Variants in PCDHA7 observed in about 807,000 individuals in gnomAD.
PCDHA7 encodes protocadherin alpha 7, also known as protocadherin alpha-7.
A neutral mutation model predicts 57.2 loss-of-function variants in PCDHA7; 37 were observed. That is an observed-to-expected ratio of 0.65 (90% CI 0.50 to 0.85). The LOEUF is 0.85. Among genes scored for constraint, PCDHA7 ranks in the 40% least tolerant of loss-of-function variants. PCDHA7 has a pLI of 0.00. For synonymous variants in PCDHA7, 553 were observed against 558.8 expected, an observed-to-expected ratio of 0.99 and a Z score of 0.15; for missense variants, 1,188 against 1,241.8, an observed-to-expected ratio of 0.96 and a Z score of 0.65.
chr5:140,968,682 C>T, intron 1 of PCDHA7: 1 of 1,614,128 alleles, frequency 6.2e-7, no homozygotes, highest in Non-Finnish European at 8.5e-7. Flanking sequence ...GAGCTGCACA[C>T]AGGAGAAATT....
intron 1 of PCDHA7, among the ~76,000 whole-genome samples, chr5:140,892,769 T>C (rs1182235195): frequency 6.6e-6 from 1 of 152,210 alleles, no homozygotes; most frequent in Non-Finnish European, 1.5e-5. Context: ...TCCACTCTTC[T>C]AGCTTCTTGA....
intron 1 of PCDHA7, among the ~76,000 whole-genome samples, chr5:140,906,707 CT>C (rs1554192656): frequency 6.6e-6 from 1 of 152,198 alleles, no homozygotes; most frequent in Non-Finnish European, 1.5e-5. Flanking sequence ...ATTTGTAGTC[CT>C]GCCTGGATTG....
chr5:140,913,531 A>T (rs1451484656), intron 1 of PCDHA7, among the ~76,000 whole-genome samples: 1 of 151,914 alleles, frequency 6.6e-6, no homozygotes, highest in Admixed American at 6.6e-5. Flanking sequence ...TTTTCAAAAG[A>T]TTGACTTTTT....
rs60032403 is a variant in PCDHA7 at position 140,941,214 on chromosome 5, C to CCTTT, written c.2356-37696_2356-37693dup. Among the ~76,000 whole-genome samples, 254 of 122,478 alleles carry CCTTT rather than the reference C, an allele frequency of 2.1e-3. 3 individuals carry two copies. The highest frequency in any genetic ancestry group is 3.1e-3 in the Non-Finnish European group (180 of 58,666). 80.4% of individuals were successfully genotyped at this position (122,478 alleles called of 152,430 possible). Reference sequence around the variant, plus strand: ...TTTTTTCTTTCTTCCTTTCTTTCTTCCTTTCTTTCTTTCTTTCTTTCTTTC... The same window carrying CCTTT: ...TTTTTTCTTTCTTCCTTTCTTTCTTCCTTTCTTTCTTTCTTTCTTTCTTTCTTTC... On this transcript the variant is annotated intron_variant, in intron 1 of 3. Coordinates refer to ENST00000525929, the MANE Select transcript of PCDHA7 (RefSeq NM_018910.3).
At chr5:141,003,095 T>C (rs1245011518) in intron 3 of PCDHA7, among the ~76,000 whole-genome samples, 3 of 152,258 alleles carry the variant, frequency 2.0e-5, no homozygotes, top group African/African-American at 7.2e-5. Flanking sequence ...AGGCCTGGCA[T>C]TTGCTTCACA....
At position 140,978,997 on chromosome 5, in the gene PCDHA7, G is replaced by C. The variant is rs782253140; in HGVS notation, c.2404G>C (p.Gly802Arg). The C allele has an allele frequency of 2.7e-5, 44 of 1,614,040 alleles. No individual in the cohort carries two copies. Among genetic ancestry groups the C allele is most frequent in the Non-Finnish European group, 3.6e-5 (43 of 1,180,028 alleles). ...GCGTTACTCTGCCTCCCTGAGAGCA[G>C]GCATGCACAGGTATGTATTTCCCTC... ...DWRYSASLRAGMHSSVHLEEA... is the reference protein window; with the variant it reads ...DWRYSASLRARMHSSVHLEEA... Residue 802 changes from glycine to arginine, a missense_variant, in exon 2 of 4, where the codon GGC becomes CGC. Transcript: ENST00000525929.
intron 1 of PCDHA7, among the ~76,000 whole-genome samples, chr5:140,880,559 G>A (rs929072104): frequency 2.0e-5 from 3 of 152,224 alleles, no homozygotes; most frequent in Non-Finnish European, 4.4e-5. Context: ...TGGAAATGAG[G>A]TTGAGAATTT....
intron 1 of PCDHA7, among the ~76,000 whole-genome samples, chr5:140,935,702 T>C (rs975188692): frequency 1.3e-5 from 2 of 152,152 alleles, no homozygotes; most frequent in Admixed American, 1.3e-4. Context: ...AATAAACTTA[T>C]AAAACAAAAT....
intron 1 of PCDHA7, among the ~76,000 whole-genome samples, chr5:140,878,696 A>G (rs570754583): frequency 6.6e-6 from 1 of 152,360 alleles, no homozygotes; most frequent in East Asian, 1.9e-4. Context: ...TACATACCCC[A>G]GCCTGGTAGT....
chr5:140,969,630 A>G (rs1185557414), intron 1 of PCDHA7: 1 of 654,766 alleles, frequency 1.5e-6, no homozygotes, highest in Non-Finnish European at 2.5e-6. Flanking sequence ...GAAACAGGAC[A>G]GGCCTTGGAA....
At position 141,009,666 on chromosome 5, in the gene PCDHA7, G is replaced by T; in HGVS notation, c.2543G>T (p.Gly848Val). Residue 848 changes from glycine to valine, a missense_variant, in exon 4 of 4, where the codon GGT becomes GTT. Physicochemically the swap from Gly to Val is moderately radical, Grantham distance 109. This residue lies in a region of PCDHA7 where 892 missense variants were observed against 788.5 expected (regional missense o/e 1.13). Coordinates refer to ENST00000525929, the MANE Select transcript of PCDHA7 (RefSeq NM_018910.3). ...GAAGTGTCCCCTCCAGTCGGTGCGG[G>T]TGTCAACAGCAACAGCTGGACCTTT... ...AGEVSPPVGAGVNSNSWTFKY... is the reference protein window; with the variant it reads ...AGEVSPPVGAVVNSNSWTFKY... The T allele has an allele frequency of 1.2e-6, 2 of 1,614,080 alleles. No individual in the cohort carries two copies. The highest frequency in any genetic ancestry group is 1.7e-6 in the Non-Finnish European group (2 of 1,180,022).
intron 1 of PCDHA7, among the ~76,000 whole-genome samples, chr5:140,941,286 C>CTCTT (rs5871754): frequency 5.6e-5 from 6 of 106,818 alleles, no homozygotes; most frequent in African/African-American, 1.4e-4. Context: ...TCCTTCCTTT[C>CTCTT]TCTTTCTTTC....
At chr5:140,877,273 T>C (rs1324679559) in intron 1 of PCDHA7, 2 of 1,613,722 alleles carry the variant, frequency 1.2e-6, no homozygotes, top group Non-Finnish European at 1.7e-6. Context: ...GGACGCTGAC[T>C]CCGGCTATAA....
At chr5:140,909,065 A>G (rs1402526950) in intron 1 of PCDHA7, among the ~76,000 whole-genome samples, 3 of 152,218 alleles carry the variant, frequency 2.0e-5, no homozygotes, top group Admixed American at 6.5e-5. Flanking sequence ...TGTCTCACCA[A>G]TAAGCCCAGT....
In PCDHA7 at chr5:140,959,152, A is replaced by C. The variant is rs182353196; in HGVS notation, c.2356-19797A>C. 1.3e-4 allele frequency among the ~76,000 whole-genome samples: 20 copies of C among 152,108 alleles called. No individual in the cohort carries two copies. The East Asian group carries it at 3.9e-3, about 30-fold the overall frequency. ...CCCACTTTGGGAGGCCAAAGTGGGC[A>C]GATTGCTTGACCCCAGGAGTTCAGG... On this transcript the variant is annotated intron_variant, in intron 1 of 3. Coordinates refer to ENST00000525929, the MANE Select transcript of PCDHA7 (RefSeq NM_018910.3).
At chr5:140,980,616 G>A (rs2096898086) in intron 2 of PCDHA7, among the ~76,000 whole-genome samples, 4 of 151,912 alleles carry the variant, frequency 2.6e-5, no homozygotes, top group Admixed American at 2.0e-4. Context: ...GCGACAGTGC[G>A]AGACTCTGTC....
chr5:141,010,282 A>C lies in PCDHA7; in HGVS notation c.*345A>C, dbSNP rs375556483. The C allele has an allele frequency of 6.4e-7, 1 of 1,551,130 alleles. No homozygotes were observed. Among genetic ancestry groups the C allele is most frequent in the Admixed American group, 2.0e-5 (1 of 50,878 alleles). On this transcript the variant is annotated 3_prime_UTR_variant, in exon 4 of 4. Transcript: ENST00000525929. ...GTGCTCCGGGGATCCTGTCTTGATGACACTTGCAGGGCAGGCTGAAAAGTT... is the reference window on the plus strand; with the variant it reads ...GTGCTCCGGGGATCCTGTCTTGATGCCACTTGCAGGGCAGGCTGAAAAGTT...
At chr5:140,951,876 G>A (rs1554220112) in intron 1 of PCDHA7, among the ~76,000 whole-genome samples, 1 of 152,094 alleles carries the variant, frequency 6.6e-6, no homozygotes, top group East Asian at 1.9e-4. Context: ...CTGAGACAAG[G>A]CAACTCTCTT....
chr5:140,910,191 CTT>C (rs1384563815), intron 1 of PCDHA7, among the ~76,000 whole-genome samples: 2 of 152,152 alleles, frequency 1.3e-5, no homozygotes, highest in Non-Finnish European at 2.9e-5. Context: ...TCAAATTAGT[CTT>C]TTGTCCACTT....
Sources: allele counts gnomAD v4.1 joint callset (sites outside exome capture counted in the v4.1 genomes callset), GRCh38; gene constraint gnomAD v4.1.1; regional missense constraint gnomAD v4.1.1; transcripts MANE v1.5; gene names NCBI Gene and HGNC (gene_info 2026-07-23, HGNC 2026-07-21).